CDH4: variants seen among roughly 807,000 people sequenced by gnomAD.
The protein encoded by CDH4 is cadherin-4.
Under a neutral mutation model 86.0 loss-of-function variants are expected in CDH4, and 33 were observed. That is an observed-to-expected ratio of 0.38 (90% CI 0.29 to 0.51). The LOEUF is 0.51. CDH4 is among the 20% of genes least tolerant of loss of function. CDH4 has a pLI of 0.86. For synonymous variants in CDH4, 555 were observed against 549.4 expected (o/e 1.01, Z -0.14); for missense variants, 1,114 against 1,307.4 (o/e 0.85, Z 2.28).
In CDH4 at chr20:61,393,415, G is replaced by C. The variant is rs2084997781; in HGVS notation, c.169+138478G>C. ...CAACCACCAGCCCCTCTGATGTCGAGGACCCCCAGGGATTGGCAAAATTAA... is the reference window on the plus strand; with the variant it reads ...CAACCACCAGCCCCTCTGATGTCGACGACCCCCAGGGATTGGCAAAATTAA... On this transcript the variant is annotated intron_variant, in intron 2 of 15. Transcript: ENST00000614565. The surrounding 1 kb of genome is among the most constrained non-coding windows in gnomAD (Gnocchi z 4.3). Among the ~76,000 whole-genome samples the C allele has an allele frequency of 6.6e-6, 1 of 151,972 alleles. No homozygotes were observed.
At position 61,709,808 on chromosome 20, in the gene CDH4, C is replaced by T. The variant is rs377671357; in HGVS notation, c.170-33755C>T. Among the ~76,000 whole-genome samples, 6 of 152,246 alleles carry T rather than the reference C, an allele frequency of 3.9e-5. No individual in the cohort carries two copies. The highest frequency in any genetic ancestry group is 1.4e-4 in the African/African-American group (6 of 41,554). On this transcript the variant is annotated intron_variant, in intron 2 of 15. Transcript: ENST00000614565. The surrounding 1 kb of genome is among the most constrained non-coding windows in gnomAD (Gnocchi z 4.8). ...TAGAGGTTCTTTCTTCTTGTTTTCC[C>T]ACAGATGGCACAAGCTAATTATTCT...
intron 4 of CDH4, among the ~76,000 whole-genome samples, chr20:61,803,875 A>G (rs1979972971): frequency 6.6e-6 from 1 of 152,234 alleles, no homozygotes; most frequent in Non-Finnish European, 1.5e-5. Context: ...AAACGAGAAC[A>G]GGCTCCATCG....
chr20:61,834,979 G>A (rs146647038), intron 4 of CDH4, among the ~76,000 whole-genome samples: 94 of 152,354 alleles, frequency 6.2e-4, no homozygotes, highest in African/African-American at 2.2e-3. Flanking sequence ...CTGGAGGCTG[G>A]TGCTGTGTCG....
intron 2 of CDH4, chr20:61,719,304 C>A (rs1002333005): frequency 1.4e-5 from 5 of 362,302 alleles, no homozygotes; most frequent in African/African-American, 6.4e-5. Context: ...GGCCTCATTG[C>A]AGAATCTTCC....
At chr20:61,287,963 G>A (rs552713166) in intron 2 of CDH4, among the ~76,000 whole-genome samples, 1 of 152,266 alleles carries the variant, frequency 6.6e-6, no homozygotes, top group South Asian at 2.1e-4. Context: ...AGAGTGTGGT[G>A]GAAATCAGCA....
chr20:61,287,067 C>A (rs922703470), intron 2 of CDH4, among the ~76,000 whole-genome samples: 1 of 152,162 alleles, frequency 6.6e-6, no homozygotes, highest in African/African-American at 2.4e-5. Context: ...AGGTCCCCTC[C>A]GTGCCCTGCT....
intron 2 of CDH4, among the ~76,000 whole-genome samples, chr20:61,599,290 G>T (rs972591759): frequency 2.0e-5 from 3 of 152,194 alleles, no homozygotes; most frequent in African/African-American, 7.2e-5. Flanking sequence ...GCTGTGCCGG[G>T]TGTCGGACTG....
At chr20:61,934,416 C>A (rs1235367415) in intron 15 of CDH4, among the ~76,000 whole-genome samples, 196 bp downstream of exon 15, 1 of 152,232 alleles carries the variant, frequency 6.6e-6, no homozygotes, top group Non-Finnish European at 1.5e-5. Flanking sequence ...AGCAGGCCCT[C>A]TTTCCAAGGA....
chr20:61,283,819 G>A (rs2123169659), intron 2 of CDH4, among the ~76,000 whole-genome samples: 1 of 152,320 alleles, frequency 6.6e-6, no homozygotes, highest in East Asian at 1.9e-4. Context: ...ACATCTAAAC[G>A]ATGTTTCAGA....
At position 61,936,769 on chromosome 20, in the gene CDH4, A is replaced by T. The variant is rs747965273; in HGVS notation, c.2577A>T (p.Ala859=). 11 of 1,606,390 alleles carry T rather than the reference A, an allele frequency of 6.8e-6. No homozygotes were observed. In the East Asian group the frequency reaches 2.3e-4, roughly 33 times the overall value. ...GLRAADNDPT[A]PPYDSLLVFD... The stretch of plus-strand genomic sequence containing the variant: ...GCGCTGCTGACAACGACCCCACGGC[A>T]CCCCCCTATGACTCCCTGCTGGTCT... The change falls in exon 16 of 16, where the codon GCA becomes GCT. Residue 859 remains alanine, a synonymous_variant. Transcript: ENST00000614565.
At chr20:61,552,110 G>A (rs2086135505) in intron 2 of CDH4, among the ~76,000 whole-genome samples, 1 of 152,082 alleles carries the variant, frequency 6.6e-6, no homozygotes, top group Admixed American at 6.6e-5. Context: ...GTGCAGGCAA[G>A]CAAAAAATAA....
chr20:61,447,624 CTTTTT>C (rs11204461), intron 2 of CDH4, among the ~76,000 whole-genome samples: 5 of 102,034 alleles, frequency 4.9e-5, no homozygotes, highest in African/African-American at 1.5e-4. Flanking sequence ...ATTCTACTTC[CTTTTT>C]TTTTTTTTTT....
chr20:61,396,996 G>A (rs1027643284), intron 2 of CDH4, among the ~76,000 whole-genome samples: 20 of 152,048 alleles, frequency 1.3e-4, no homozygotes, highest in African/African-American at 4.6e-4. Context: ...CTGCAGCTTC[G>A]ACTTCCCAGG....
rs1162732357 is a variant in CDH4, at chr20:61,604,402, A to G, written c.170-139161A>G. Reference sequence around the variant, plus strand: ...ACTGTGATGCAGCTTGAATAATTGCAAGAAAAGCACAGGACTCCAAATGGG... The same window carrying G: ...ACTGTGATGCAGCTTGAATAATTGCGAGAAAAGCACAGGACTCCAAATGGG... On this transcript the variant is annotated intron_variant, in intron 2 of 15. Transcript: ENST00000614565. 2.0e-5 allele frequency among the ~76,000 whole-genome samples: 3 copies of G among 152,344 alleles called. No individual in the cohort carries two copies. In the East Asian group the frequency reaches 5.8e-4, roughly 29 times the overall value.
At chr20:61,325,215 G>A (rs2084530305) in intron 2 of CDH4, among the ~76,000 whole-genome samples, 1 of 119,814 alleles carries the variant, frequency 8.3e-6, no homozygotes, top group Non-Finnish European at 1.9e-5. Context: ...TAAGTAAGTG[G>A]TCACTGGAAA....
In CDH4 at chr20:61,684,995, T is replaced by C. The variant is rs2087558639; in HGVS notation, c.170-58568T>C. Among the ~76,000 whole-genome samples, 1 of 152,226 alleles carries C rather than the reference T, an allele frequency of 6.6e-6. No homozygotes were observed. Among genetic ancestry groups the C allele is most frequent in the African/African-American group, 2.4e-5 (1 of 41,452 alleles). ...CATGTATAGTGTAGAGTTGAGTATA[T>C]GTTACAGAGAGCAACTGTTGCTGTC... On this transcript the variant is annotated intron_variant, in intron 2 of 15. Transcript: ENST00000614565. The surrounding 1 kb of genome is among the most constrained non-coding windows in gnomAD (Gnocchi z 4.5).
intron 2 of CDH4, among the ~76,000 whole-genome samples, chr20:61,565,925 G>A (rs1200779815): frequency 1.3e-5 from 2 of 152,282 alleles, no homozygotes; most frequent in Admixed American, 6.5e-5. Context: ...TCCTCATGGG[G>A]TTCTCCAGCC....
intron 8 of CDH4, among the ~76,000 whole-genome samples, chr20:61,898,835 CATGGGT>C (rs1985250613): frequency 6.6e-6 from 1 of 152,200 alleles, no homozygotes; most frequent in Non-Finnish European, 1.5e-5. Context: ...CTAAAAATGC[CATGGGT>C]GGTGCCCAGA....
Position 61,937,049 on chromosome 20 carries a change from A to G in CDH4, c.*106A>G. 1.0e-6 allele frequency: 1 copy of G among 967,272 alleles called. No homozygotes were observed. The highest frequency in any genetic ancestry group is 2.0e-5 in the South Asian group (1 of 49,236). The allele number at this position is 967,272 out of a possible 1,614,324, so 59.9% of individuals were successfully genotyped here. ...CCCGACTCCCTGCGGCTGTGTCCTT[A>G]GTGCTGTTAGGAGGCCCCCCAATCC... is the stretch of plus-strand genomic sequence containing the variant. On this transcript the variant is annotated 3_prime_UTR_variant, in exon 16 of 16. Transcript: ENST00000614565.
Sources: gnomAD v4.1 joint callset for allele counts (sites outside exome capture counted in the v4.1 genomes callset) on GRCh38, gnomAD v4.1.1 for gene constraint, Gnocchi (gnomAD v3.1) non-coding constraint, MANE v1.5 for transcripts, NCBI Gene and HGNC (gene_info 2026-07-23, HGNC 2026-07-21) for gene names.